The following LIN54 variants were observed in gnomAD, a reference collection of about 807,000 sequenced individuals.
LIN54 encodes protein lin-54 homolog.
A neutral mutation model predicts 78.7 loss-of-function variants in LIN54; 9 were observed. The observed-to-expected ratio is 0.11, with a 90% CI of 0.07 to 0.20. The LOEUF is 0.20. LIN54 is among the 10% of genes least tolerant of loss of function. The pLI is 1.00. For synonymous variants in LIN54, 269 were observed against 318.4 expected (o/e 0.84, Z 1.65); for missense variants, 573 against 889.9 (o/e 0.64, Z 4.53).
intron 1 of LIN54, among the ~76,000 whole-genome samples, chr4:82,986,572 C>G (rs1180316820): frequency 6.6e-6 from 1 of 151,762 alleles, no homozygotes; most frequent in African/African-American, 2.4e-5. Flanking sequence ...GGCATGGTGG[C>G]ATGCACCTAT....
rs755113419 is a variant in LIN54, at chr4:82,928,341, TTAAA to T, written c.2049-42_2049-39del. 23 of 1,499,504 alleles carry T rather than the reference TTAAA, an allele frequency of 1.5e-5. No homozygotes were observed. The East Asian group carries it at 4.5e-4, about 29-fold the overall frequency. 92.9% of individuals were successfully genotyped at this position (1,499,504 alleles called of 1,614,324 possible). On this transcript the variant is annotated intron_variant, in intron 12 of 12. Coordinates refer to ENST00000340417, the MANE Select transcript of LIN54 (RefSeq NM_194282.4). ...TTGAAAGAGAAAGATGATGGTGGTG[TTAAA>T]TAACAACAAAAGTGGATAACATTCT...
rs1726211231 is a variant in LIN54 at position 82,976,941 on chromosome 4, G to A, written c.808+1942C>T. Among the ~76,000 whole-genome samples, 3 of 152,280 alleles carry A rather than the reference G, an allele frequency of 2.0e-5. No individual in the cohort carries two copies. In the South Asian group the frequency reaches 6.2e-4, roughly 32 times the overall value. On this transcript the variant is annotated intron_variant, in intron 3 of 12. Coordinates refer to ENST00000340417, the MANE Select transcript of LIN54 (RefSeq NM_194282.4). The stretch of plus-strand genomic sequence containing the variant: ...AAATTTAACAGAAGTATATCTCTAT[G>A]TATTCTGGTAGGGCTATTAAGTCCA...
intron 4 of LIN54, among the ~76,000 whole-genome samples, chr4:82,967,575 AAGGTACTC>A (rs1473010168): frequency 6.6e-6 from 1 of 152,214 alleles, no homozygotes; most frequent in African/African-American, 2.4e-5. Flanking sequence ...TTCTGGAGTA[AAGGTACTC>A]AGGAGTGCCA....
chr4:82,986,649 A>G (rs1310997689), intron 1 of LIN54, among the ~76,000 whole-genome samples: 1 of 144,174 alleles, frequency 6.9e-6, no homozygotes, highest in Non-Finnish European at 1.5e-5. Context: ...GGTTGCAATG[A>G]GCCGAGATCG....
chr4:83,012,168 T>C (rs1729889644), upstream of LIN54: 1 of 384,296 alleles, frequency 2.6e-6, no homozygotes, highest in Non-Finnish European at 3.6e-6. Flanking sequence ...TTAAACTTCA[T>C]TTCCCCACTG....
At chr4:82,963,669 T>C (rs1388737630) in intron 4 of LIN54, among the ~76,000 whole-genome samples, 2 of 91,508 alleles carry the variant, frequency 2.2e-5, no homozygotes, top group African/African-American at 8.6e-5. Flanking sequence ...TATTTGATTG[T>C]AGAGCAACCA....
rs149890899 is a variant in LIN54 at position 82,930,929 on chromosome 4, A to T, written c.2048+14T>A. The T allele has an allele frequency of 6.2e-7, 1 of 1,610,732 alleles. No homozygotes were observed. Among genetic ancestry groups the T allele is most frequent in the Non-Finnish European group, 8.5e-7 (1 of 1,176,972 alleles). ...TTTGGGAAGTACTATAAAAAGATTAAAATACTGACTTACTTTCCGCCTCCA... is the reference window on the plus strand; with the variant it reads ...TTTGGGAAGTACTATAAAAAGATTATAATACTGACTTACTTTCCGCCTCCA... On this transcript the variant is annotated intron_variant, in intron 12 of 12. Transcript: ENST00000340417.
chr4:82,932,090 T>TAA (rs200457625), intron 11 of LIN54, among the ~76,000 whole-genome samples: 1 of 142,932 alleles, frequency 7.0e-6, no homozygotes, highest in South Asian at 2.4e-4. Flanking sequence ...CTGTGTATTT[T>TAA]AATTTTTTTT....
At chr4:82,975,236 T>C (rs1387238941) in intron 3 of LIN54, among the ~76,000 whole-genome samples, 1 of 150,736 alleles carries the variant, frequency 6.6e-6, no homozygotes, top group Non-Finnish European at 1.5e-5. Context: ...AGTGTGCCTG[T>C]AGTCTCAGCT....
intron 1 of LIN54, among the ~76,000 whole-genome samples, chr4:83,006,255 C>T (rs904477058): frequency 1.2e-4 from 19 of 152,042 alleles, no homozygotes; most frequent in African/African-American, 3.1e-4. Flanking sequence ...CAGTATCATC[C>T]TGGCTAACAC....
intron 4 of LIN54, among the ~76,000 whole-genome samples, chr4:82,956,903 G>A (rs1724381988): frequency 6.6e-6 from 1 of 152,068 alleles, no homozygotes; most frequent in African/African-American, 2.4e-5. Flanking sequence ...GAGATTACAG[G>A]TGTGAGCCAC....
At chr4:82,998,418 C>T (rs1261419459) in intron 1 of LIN54, among the ~76,000 whole-genome samples, 1 of 152,018 alleles carries the variant, frequency 6.6e-6, no homozygotes, top group Non-Finnish European at 1.5e-5. Flanking sequence ...TGCTACATGC[C>T]TGTAGTCCTG....
chr4:83,006,047 C>A (rs557358953), intron 1 of LIN54, among the ~76,000 whole-genome samples: 1 of 152,066 alleles, frequency 6.6e-6, no homozygotes, highest in African/African-American at 2.4e-5. Context: ...AACTAAATAC[C>A]GCATATTCTC....
chr4:83,012,470 C>T (rs1213051263), upstream of LIN54, among the ~76,000 whole-genome samples: 2 of 152,138 alleles, frequency 1.3e-5, no homozygotes, highest in Non-Finnish European at 2.9e-5. Context: ...GTGTGCGTGT[C>T]AACAGCCGCA....
intron 12 of LIN54, among the ~76,000 whole-genome samples, chr4:82,929,425 A>C (rs1295427027): frequency 6.6e-6 from 1 of 152,166 alleles, no homozygotes; most frequent in Non-Finnish European, 1.5e-5. Flanking sequence ...CCCAGGTTAT[A>C]AGTCTTATTA....
At chr4:82,952,792 G>T (rs777478677) in intron 4 of LIN54, among the ~76,000 whole-genome samples, 22 of 152,080 alleles carry the variant, frequency 1.4e-4, no homozygotes, top group Non-Finnish European at 2.6e-4. Context: ...TAAAAAGGAA[G>T]GGTATTCTGA....
At chr4:83,004,279 G>T (rs1210610186) in intron 1 of LIN54, among the ~76,000 whole-genome samples, 2 of 151,494 alleles carry the variant, frequency 1.3e-5, no homozygotes, top group Non-Finnish European at 2.9e-5. Flanking sequence ...GGCACCTGTA[G>T]TCCCAGCTAC....
chr4:82,986,731 C>T (rs1195618317), intron 1 of LIN54, among the ~76,000 whole-genome samples: 1 of 132,250 alleles, frequency 7.6e-6, no homozygotes, highest in Non-Finnish European at 1.6e-5. Context: ...AAAAAAGATA[C>T]AACACCCATC....
chr4:82,962,714 A>G (rs1254222752), intron 4 of LIN54, among the ~76,000 whole-genome samples: 2 of 152,040 alleles, frequency 1.3e-5, no homozygotes, highest in Non-Finnish European at 2.9e-5. Flanking sequence ...TTTAATAAGC[A>G]TATTTGTAGA....
Sources: gnomAD v4.1 joint callset for allele counts (sites outside exome capture counted in the v4.1 genomes callset) on GRCh38, gnomAD v4.1.1 for gene constraint, MANE v1.5 for transcripts, NCBI Gene and HGNC (gene_info 2026-07-23, HGNC 2026-07-21) for gene names.